The following PLAG1 variants were observed in gnomAD, a reference collection of about 807,000 sequenced individuals.
PLAG1 encodes the protein zinc finger protein PLAG1.
A neutral mutation model predicts 35.5 loss-of-function variants in PLAG1; 7 were observed. The observed-to-expected ratio is 0.20, with a 90% confidence interval of 0.11 to 0.37. The LOEUF (loss-of-function observed/expected upper bound fraction) is 0.37, where lower values mean the gene tolerates loss of function less well. Ranked by LOEUF, PLAG1 falls within the 10% of genes least tolerant of loss-of-function variation. The pLI is 1.00. For synonymous variants in PLAG1, 229 were observed against 225.4 expected (o/e 1.02, Z -0.14); for missense variants, 454 against 602.8 (o/e 0.75, Z 2.58).
At chr8:56,207,666 G>A (rs1259138262) in intron 1 of PLAG1, among the ~76,000 whole-genome samples, 2 of 151,974 alleles carry the variant, frequency 1.3e-5, no homozygotes, top group South Asian at 2.1e-4. Flanking sequence ...AGGTTTCTCC[G>A]ATTCCAACTG....
intron 1 of PLAG1, among the ~76,000 whole-genome samples, chr8:56,197,282 G>A (rs1012479170): frequency 2.0e-5 from 3 of 152,068 alleles, no homozygotes; most frequent in African/African-American, 4.8e-5. Context: ...GAGTGAGTGC[G>A]TCTCCGCTCA....
intron 1 of PLAG1, among the ~76,000 whole-genome samples, chr8:56,205,218 T>C (rs941419384): frequency 1.3e-5 from 2 of 151,938 alleles, no homozygotes; most frequent in Non-Finnish European, 2.9e-5. Context: ...TTTTAAACTT[T>C]CTGATGAACA....
At chr8:56,179,354 C>T (rs1811800541) in intron 2 of PLAG1, 55 bp downstream of exon 2, 1 of 198,340 alleles carries the variant, frequency 5.0e-6, no homozygotes, top group Admixed American at 6.5e-5. Context: ...TATTTAGGAA[C>T]TGGAATAATT....
chr8:56,168,004 T>C (rs753452619), intron 4 of PLAG1, 24 bp downstream of exon 4: 1 of 1,259,182 alleles, frequency 7.9e-7, no homozygotes. Context: ...AAATATAATC[T>C]GAAAGACAAA....
chr8:56,197,733 G>A (rs187690160), intron 1 of PLAG1, among the ~76,000 whole-genome samples: 1 of 152,250 alleles, frequency 6.6e-6, no homozygotes, highest in East Asian at 1.9e-4. Flanking sequence ...TTTCCCTCAT[G>A]CATCTGTGTC....
In PLAG1 at chr8:56,168,169, A is replaced by C; in HGVS notation, c.101T>G (p.Phe34Cys). The change falls in exon 4 of 5, where the codon TTT (phenylalanine) becomes TGT (cysteine). Residue 34 changes from phenylalanine (F) to cysteine (C), a missense_variant. This residue lies in a region of PLAG1 where 170 missense variants were observed against 226.3 expected (regional missense o/e 0.75). Transcript: ENST00000316981. Reference protein sequence around the residue: ...KRGETKPRKNFPCQLCDKAFN... With the variant: ...KRGETKPRKNCPCQLCDKAFN... ...GGCCTTGTCACACAGTTGGCAAGGA[A>C]AGTTTTTTCTTGGTTTGGTTTCACC... The C allele has an allele frequency of 6.2e-7, 1 of 1,613,750 alleles. No individual in the cohort carries two copies. The highest frequency in any genetic ancestry group is 8.5e-7 in the Non-Finnish European group (1 of 1,179,726).
At chr8:56,202,204 GA>G (rs1286956379) in intron 1 of PLAG1, among the ~76,000 whole-genome samples, 1 of 152,128 alleles carries the variant, frequency 6.6e-6, no homozygotes, top group African/African-American at 2.4e-5. Flanking sequence ...CCACACTTCT[GA>G]ACTGTGCAAC....
rs535566137 is a variant in PLAG1, at chr8:56,164,262, C to G, written c.*1981G>C. On this transcript the variant is annotated 3_prime_UTR_variant, in exon 5 of 5. Coordinates refer to ENST00000316981, the MANE Select transcript of PLAG1 (RefSeq NM_002655.3). Reference sequence around the variant, plus strand: ...AAAATATAGGAGCATGATAAAATATCAGGAGCCAAAGCTCCTTCAGAGAGC... The same window carrying G: ...AAAATATAGGAGCATGATAAAATATGAGGAGCCAAAGCTCCTTCAGAGAGC... The G allele has an allele frequency of 9.4e-6, 2 of 211,732 alleles. No homozygotes were observed. The highest frequency in any genetic ancestry group is 1.4e-4 in the East Asian group (2 of 14,274). 13.1% of individuals were successfully genotyped at this position (211,732 alleles called of 1,614,324 possible).
At chr8:56,201,972 T>TTG (rs1554538884) in intron 1 of PLAG1, among the ~76,000 whole-genome samples, 25 of 151,576 alleles carry the variant, frequency 1.6e-4, no homozygotes, top group Middle Eastern at 3.4e-3. Context: ...TTTTTTTTTT[T>TTG]TTTGTTTTTA....
At position 56,167,007 on chromosome 8, in the gene PLAG1, G is replaced by T; in HGVS notation, c.739C>A (p.Pro247Thr). 2.5e-6 allele frequency: 4 copies of T among 1,614,128 alleles called. No homozygotes were observed. Among genetic ancestry groups the T allele is most frequent in the Non-Finnish European group, 3.4e-6 (4 of 1,180,010 alleles). The stretch of plus-strand genomic sequence containing the variant: ...GTAAATGGGTCAAGGAAATCCACTG[G>T]TTCTGTTTTGACCTTCAGAAGCTCT... Reference protein sequence around the residue: ...NQELLKVKTEPVDFLDPFTCN... With the variant: ...NQELLKVKTETVDFLDPFTCN... Residue 247 changes from proline (P) to threonine (T), a missense_variant, in exon 5 of 5, where the codon CCA (proline) becomes ACA (threonine). Around this residue, in one of 4 missense-constraint regions of PLAG1, gnomAD observed 271 missense variants for 315.6 expected, o/e 0.86. Coordinates refer to ENST00000316981, the MANE Select transcript of PLAG1 (RefSeq NM_002655.3). The surrounding 1 kb of genome is among the most constrained non-coding windows in gnomAD (Gnocchi z 5.9).
At chr8:56,186,521 G>A (rs1352328271) in intron 1 of PLAG1, among the ~76,000 whole-genome samples, 2 of 149,850 alleles carry the variant, frequency 1.3e-5, no homozygotes, top group Non-Finnish European at 3.0e-5. Flanking sequence ...ACAGGTGCAT[G>A]TCACCACGCC....
chr8:56,192,352 T>G (rs1350099245), intron 1 of PLAG1, among the ~76,000 whole-genome samples: 1 of 152,200 alleles, frequency 6.6e-6, no homozygotes, highest in Non-Finnish European at 1.5e-5. Context: ...ACTGCATTAT[T>G]TAAAGACTGG....
At chr8:56,201,436 C>T (rs183636591) in intron 1 of PLAG1, among the ~76,000 whole-genome samples, 172 of 152,248 alleles carry the variant, frequency 1.1e-3, no homozygotes, top group Non-Finnish European at 1.8e-3. Context: ...GAAAAATCTC[C>T]TTTAGCTTAA....
chr8:56,196,449 T>C (rs1245781587), intron 1 of PLAG1, among the ~76,000 whole-genome samples: 2 of 152,138 alleles, frequency 1.3e-5, no homozygotes, highest in African/African-American at 4.8e-5. Context: ...AGGAACTTGG[T>C]GTGACCTTCT....
intron 1 of PLAG1, among the ~76,000 whole-genome samples, chr8:56,192,839 G>A (rs1585811235): frequency 6.6e-6 from 1 of 152,044 alleles, no homozygotes; most frequent in Non-Finnish European, 1.5e-5. Flanking sequence ...AATACAACAG[G>A]GATGCAATCC....
At chr8:56,195,446 G>A (rs530127603) in intron 1 of PLAG1, among the ~76,000 whole-genome samples, 7 of 152,254 alleles carry the variant, frequency 4.6e-5, no homozygotes, top group East Asian at 3.9e-4. Context: ...CCCAGTTCAC[G>A]GGGTCTGTTA....
At chr8:56,176,215 A>C (rs1341444687) in intron 2 of PLAG1, among the ~76,000 whole-genome samples, 1 of 151,868 alleles carries the variant, frequency 6.6e-6, no homozygotes, top group African/African-American at 2.4e-5. Flanking sequence ...ATACCCGGCT[A>C]ATTTTTTGTT....
At chr8:56,172,975 T>G (rs147764138) in intron 2 of PLAG1, among the ~76,000 whole-genome samples, 1 of 152,316 alleles carries the variant, frequency 6.6e-6, no homozygotes, top group Non-Finnish European at 1.5e-5. Context: ...TCTGTCTGAG[T>G]GGAAAACGAT....
rs544526462 is a variant in PLAG1, at chr8:56,187,491, C to T, written c.-321-7978G>A. On this transcript the variant is annotated intron_variant, in intron 1 of 4. Coordinates refer to ENST00000316981, the MANE Select transcript of PLAG1 (RefSeq NM_002655.3). ...TTTAGTCTCTCTTCAGCATTTTCCT[C>T]TGTAGGATGGGAAAAACATCTACCT... Among the ~76,000 whole-genome samples the T allele has an allele frequency of 1.3e-4, 20 of 152,280 alleles. No homozygotes were observed. The South Asian group carries it at 4.1e-3, about 32-fold the overall frequency.
Sources: gnomAD v4.1 joint callset for allele counts (sites outside exome capture counted in the v4.1 genomes callset) on GRCh38, gnomAD v4.1.1 for gene constraint, gnomAD v4.1.1 regional missense constraint, Gnocchi (gnomAD v3.1) non-coding constraint, MANE v1.5 for transcripts, NCBI Gene and HGNC (gene_info 2026-07-23, HGNC 2026-07-21) for gene names.